Variants in COL18A1 observed in about 807,000 individuals in gnomAD.
COL18A1 encodes the protein collagen alpha-1(XVIII) chain.
COL18A1 carries 133 observed loss-of-function variants against 168.0 expected under a neutral mutation model. The observed-to-expected ratio is 0.79, with a 90% CI of 0.69 to 0.91. COL18A1 has a LOEUF of 0.91. Ranked by LOEUF, COL18A1 falls within the 40% of genes least tolerant of loss-of-function variation. The pLI is 0.00. For synonymous variants in COL18A1, 949 were observed against 809.0 expected (o/e 1.17, Z -2.94); for missense variants, 2,126 against 1,925.4 (o/e 1.10, Z -1.95).
At chr21:45,507,341 G>A in intron 37 of COL18A1, 2 of 622,512 alleles carry the variant, frequency 3.2e-6, no homozygotes, top group South Asian at 3.5e-5. Flanking sequence ...GCCGGGTGCT[G>A]GGCAGGGAGG....
In COL18A1 at chr21:45,438,260, ACT is replaced by A. The variant is rs1488082583; in HGVS notation, c.107-29980_107-29979del. Among the ~76,000 whole-genome samples, 91 of 85,298 alleles carry A rather than the reference ACT, an allele frequency of 1.1e-3. 3 individuals carry two copies. The highest frequency in any genetic ancestry group is 4.1e-3 in the Admixed American group (37 of 9,074). The allele number at this position is 85,298 out of a possible 152,430, so 56.0% of individuals were successfully genotyped here. On this transcript the variant is annotated intron_variant, in intron 2 of 41. Coordinates refer to ENST00000651438, the MANE Select transcript of COL18A1 (RefSeq NM_001379500.1). ...CAGGCACTCTCCTGCACACACACACACTCACACTCAGACACACAGGCACTCTC... is the reference window on the plus strand; with the variant it reads ...CAGGCACTCTCCTGCACACACACACACACACTCAGACACACAGGCACTCTC...
At position 45,512,239 on chromosome 21, in the gene COL18A1, C is replaced by A. The variant is rs372279165; in HGVS notation, c.3861C>A (p.Thr1287=). The A allele has an allele frequency of 3.7e-6, 6 of 1,612,450 alleles. No homozygotes were observed. The highest frequency in any genetic ancestry group is 3.3e-5 in the Admixed American group (2 of 59,976). ...HGSDPNGRRL[T]ESYCETWRTE... ...CGGACCCCAACGGGCGCAGGCTGAC[C>A]GAGAGCTACTGTGAGACGTGGCGGA... is the stretch of plus-strand genomic sequence containing the variant. The change falls in exon 42 of 42, where the codon ACC becomes ACA. Residue 1287 remains threonine, a synonymous_variant. Transcript: ENST00000651438.
chr21:45,486,382 C>T (rs1242254439), intron 15 of COL18A1, among the ~76,000 whole-genome samples: 1 of 125,598 alleles, frequency 8.0e-6, no homozygotes, highest in Non-Finnish European at 1.6e-5. Context: ...CTCCTCTCTC[C>T]TCTCTTCTCC....
intron 2 of COL18A1, among the ~76,000 whole-genome samples, chr21:45,417,507 G>T (rs1428611183): frequency 6.6e-6 from 1 of 152,134 alleles, no homozygotes; most frequent in Non-Finnish European, 1.5e-5. Flanking sequence ...CTTCCGACTC[G>T]AGGGTCTCAC....
chr21:45,490,688 C>T (rs559995093), intron 20 of COL18A1, 148 bp from the exon 21 acceptor site: 37 of 821,922 alleles, frequency 4.5e-5, no homozygotes, highest in Admixed American at 6.5e-5. Context: ...TATAAGTCTC[C>T]GTCAGGGCTC....
At chr21:45,488,489 C>G in intron 18 of COL18A1, 45 bp downstream of exon 18, 1 of 1,613,470 alleles carries the variant, frequency 6.2e-7, no homozygotes, top group Non-Finnish European at 8.5e-7. Flanking sequence ...CTGGCTTGGC[C>G]CTGTCTCGAC....
chr21:45,436,122 T>C (rs2034088643), intron 2 of COL18A1, among the ~76,000 whole-genome samples: 2 of 152,176 alleles, frequency 1.3e-5, no homozygotes, highest in Admixed American at 6.5e-5. Flanking sequence ...AGCAAGAGCA[T>C]GTTTAAAGGG....
At chr21:45,454,317 G>A (rs2034726638) in intron 2 of COL18A1, among the ~76,000 whole-genome samples, 1 of 152,176 alleles carries the variant, frequency 6.6e-6, no homozygotes, top group Admixed American at 6.5e-5. Context: ...GGGACAGGTT[G>A]TGGGGCTGTT....
chr21:45,409,755 G>A (rs1330302039), intron 2 of COL18A1, among the ~76,000 whole-genome samples: 1 of 152,240 alleles, frequency 6.6e-6, no homozygotes, highest in East Asian at 1.9e-4. Flanking sequence ...TTAACCCCGG[G>A]GCGGGAGTGG....
In COL18A1 at chr21:45,505,894, G is replaced by A. The variant is rs747833734; in HGVS notation, c.3144G>A (p.Glu1048=). The change falls in exon 37 of 42, where the codon GAG becomes GAA. Residue 1048 remains glutamate (E), a synonymous_variant. Coordinates refer to ENST00000651438, the MANE Select transcript of COL18A1 (RefSeq NM_001379500.1). ...AMLGQVHEVP[E]GWLIFVAEQE... is the part of the protein sequence containing the mutation. ...TGGGCCAGGTGCACGAGGTTCCCGA[G>A]GGCTGGCTCATCTTCGTGGCCGAGC... 25 of 1,612,936 alleles carry A rather than the reference G, an allele frequency of 1.5e-5. No homozygotes were observed. Among genetic ancestry groups the A allele is most frequent in the Middle Eastern group, 1.7e-4 (1 of 6,054 alleles).
rs762013383 is a variant in COL18A1, at chr21:45,510,132, G to A, written c.3564G>A (p.Gln1188=). The A allele has an allele frequency of 6.2e-6, 10 of 1,600,818 alleles. No individual in the cohort carries two copies. In the South Asian group the frequency reaches 1.1e-4, roughly 18 times the overall value. Residue 1188 remains glutamine (Q), a synonymous_variant, in exon 40 of 42, where the codon CAG becomes CAA. Transcript: ENST00000651438. ...GMRGIRGADF[Q]CFQQARAVGL... is the part of the protein sequence containing the mutation. ...GGGGCATCCGCGGGGCCGACTTCCA[G>A]TGCTTCCAGCAGGCGCGGGCCGTGG... is the stretch of plus-strand genomic sequence containing the variant.
chr21:45,464,697 G>A (rs943815749), intron 2 of COL18A1, among the ~76,000 whole-genome samples: 3 of 152,192 alleles, frequency 2.0e-5, no homozygotes, highest in African/African-American at 7.2e-5. Flanking sequence ...TCTAGAGGCT[G>A]CCGCTTCCCT....
intron 2 of COL18A1, among the ~76,000 whole-genome samples, chr21:45,406,106 G>T (rs1485321008): frequency 4.6e-5 from 7 of 152,204 alleles, no homozygotes; most frequent in East Asian, 1.9e-4. Flanking sequence ...AACGGTGCGC[G>T]GGGCCCGTGG....
intron 29 of COL18A1, chr21:45,495,637 T>C: frequency 1.7e-6 from 1 of 582,952 alleles, no homozygotes; most frequent in Non-Finnish European, 3.2e-6. Context: ...TGCATGCACA[T>C]ATATGGCCGT....
intron 2 of COL18A1, among the ~76,000 whole-genome samples, chr21:45,419,180 T>G (rs1305774616): frequency 6.6e-6 from 1 of 151,734 alleles, no homozygotes; most frequent in Admixed American, 6.6e-5. Context: ...TGTAGTGACG[T>G]GATTCCGTGT....
chr21:45,437,300 ACT>A (rs1491340331), intron 2 of COL18A1, among the ~76,000 whole-genome samples: 12 of 116,690 alleles, frequency 1.0e-4, no homozygotes, highest in South Asian at 9.3e-4. Context: ...ACACACACAC[ACT>A]CACACAGGCA....
Position 45,443,057 on chromosome 21 carries a change from C to T in COL18A1, c.107-25185C>T, listed in dbSNP as rs1370033054. 3.3e-4 allele frequency among the ~76,000 whole-genome samples: 31 copies of T among 93,382 alleles called. 5 individuals carry two copies. The highest frequency in any genetic ancestry group is 2.1e-3 in the East Asian group (8 of 3,862). 61.3% of individuals were successfully genotyped at this position (93,382 alleles called of 152,430 possible). On this transcript the variant is annotated intron_variant, in intron 2 of 41. Transcript: ENST00000651438. This position sits in a 1 kb window ranked among gnomAD's most constrained non-coding sequence, Gnocchi z 5.2. ...ATGTGGGCGGCGGTGCTGGTGTGGG[C>T]GGTGGTGGTGCTGGTGTGGGTGGTG...
intron 26 of COL18A1, chr21:45,494,249 C>T: frequency 1.1e-5 from 5 of 439,648 alleles, no homozygotes; most frequent in Non-Finnish European, 1.7e-5. Context: ...CACATGCCCT[C>T]CACCCTCCAC....
intron 39 of COL18A1, 87 bp from the exon 40 acceptor site, chr21:45,509,977 C>G (rs1187391918): frequency 6.9e-7 from 1 of 1,449,574 alleles, no homozygotes; most frequent in Non-Finnish European, 9.3e-7. Flanking sequence ...CCTGTCCACA[C>G]AGGTGCGGGG....
Sources: gnomAD v4.1 joint callset for allele counts (sites outside exome capture counted in the v4.1 genomes callset) on GRCh38, gnomAD v4.1.1 for gene constraint, Gnocchi (gnomAD v3.1) non-coding constraint, MANE v1.5 for transcripts, NCBI Gene and HGNC (gene_info 2026-07-23, HGNC 2026-07-21) for gene names.